The following SYNDIG1 variants were observed in gnomAD, a reference collection of about 807,000 sequenced individuals.
SYNDIG1 encodes the protein synapse differentiation inducing 1, also known as synapse differentiation-inducing gene protein 1.
Under a neutral mutation model 19.4 loss-of-function variants are expected in SYNDIG1, and 9 were observed. The observed-to-expected ratio is 0.46, with a 90% CI of 0.28 to 0.81. The LOEUF is 0.81. SYNDIG1 is among the 30% of genes least tolerant of loss of function. The pLI is 0.12. For synonymous variants in SYNDIG1, 141 were observed against 145.9 expected, an observed-to-expected ratio of 0.97 and a Z score of 0.24; for missense variants, 311 against 343.3, an observed-to-expected ratio of 0.91 and a Z score of 0.74.
intron 3 of SYNDIG1, among the ~76,000 whole-genome samples, chr20:24,656,595 G>A (rs1290293849): frequency 1.3e-5 from 2 of 152,212 alleles, no homozygotes; most frequent in Non-Finnish European, 2.9e-5. Context: ...GCACCAGGAT[G>A]CAGGACCGAG....
chr20:24,487,174 C>T (rs1317331396), intron 1 of SYNDIG1, among the ~76,000 whole-genome samples: 2 of 152,268 alleles, frequency 1.3e-5, no homozygotes, highest in South Asian at 2.1e-4. Flanking sequence ...CAGACTTTCA[C>T]TTATGGTTTA....
Position 24,559,498 on chromosome 20 carries a change from A to G in SYNDIG1, c.480+15921A>G, listed in dbSNP as rs377431784. ...GCCTTAAACAAACAAACGACACAGG[A>G]TCACAGGAGAATAAAAATGTATTTA... On this transcript the variant is annotated intron_variant, in intron 2 of 3. Transcript: ENST00000376862. 1.5e-3 allele frequency among the ~76,000 whole-genome samples: 226 copies of G among 152,344 alleles called. 5 individuals carry two copies. The South Asian group carries it at 0.045, about 30-fold the overall frequency.
intron 2 of SYNDIG1, among the ~76,000 whole-genome samples, chr20:24,558,439 A>G (rs1273706722): frequency 6.6e-6 from 1 of 152,222 alleles, no homozygotes; most frequent in African/African-American, 2.4e-5. Context: ...TTTTGTAAAT[A>G]GAAGGGACAT....
intron 3 of SYNDIG1, among the ~76,000 whole-genome samples, chr20:24,655,154 A>G (rs753279329): frequency 6.6e-6 from 1 of 152,250 alleles, no homozygotes; most frequent in Non-Finnish European, 1.5e-5. Flanking sequence ...TTGGAGCAGA[A>G]CACCAGGAGT....
intron 3 of SYNDIG1, among the ~76,000 whole-genome samples, chr20:24,623,269 A>C (rs55682113): frequency 0.042 from 6,323 of 152,254 alleles, 210 homozygotes; most frequent in Non-Finnish European, 0.057. Flanking sequence ...TAAAGAAAAA[A>C]TACTGGCAAG....
At chr20:24,558,916 C>T (rs1039070949) in intron 2 of SYNDIG1, among the ~76,000 whole-genome samples, 5 of 152,102 alleles carry the variant, frequency 3.3e-5, no homozygotes, top group African/African-American at 1.2e-4. Flanking sequence ...ACAATTATGT[C>T]TTTTAAAAAT....
chr20:24,470,680 G>A (rs1180819011), intron 1 of SYNDIG1, among the ~76,000 whole-genome samples: 2 of 152,194 alleles, frequency 1.3e-5, no homozygotes, highest in Non-Finnish European at 2.9e-5. Context: ...TACTAGAGTG[G>A]CTCTGGCAGC....
chr20:24,624,622 A>G lies in SYNDIG1; in HGVS notation c.618+39629A>G, dbSNP rs536521208. Reference sequence around the variant, plus strand: ...TTTCATGCTCATTTGTCAGTAATTGATAGATCAAGCAGAGAGAAAAGTAGT... The same window carrying G: ...TTTCATGCTCATTTGTCAGTAATTGGTAGATCAAGCAGAGAGAAAAGTAGT... On this transcript the variant is annotated intron_variant, in intron 3 of 3. Transcript: ENST00000376862. 3.3e-5 allele frequency among the ~76,000 whole-genome samples: 5 copies of G among 152,370 alleles called. 1 individual carries two copies. The highest frequency in any genetic ancestry group is 9.6e-5 in the African/African-American group (4 of 41,590).
At chr20:24,588,688 A>G (rs1212276914) in intron 3 of SYNDIG1, among the ~76,000 whole-genome samples, 1 of 152,166 alleles carries the variant, frequency 6.6e-6, no homozygotes, top group African/African-American at 2.4e-5. Flanking sequence ...GTCTTTTGGA[A>G]GAAATGACCC....
chr20:24,625,892 C>A (rs1006244440), intron 3 of SYNDIG1, among the ~76,000 whole-genome samples: 6 of 127,440 alleles, frequency 4.7e-5, no homozygotes, highest in African/African-American at 1.6e-4. Flanking sequence ...ACCTCCCAGA[C>A]GAGGTGGTGG....
intron 3 of SYNDIG1, among the ~76,000 whole-genome samples, chr20:24,661,438 G>T (rs1471128118): frequency 2.0e-5 from 1 of 50,622 alleles, no homozygotes; most frequent in Non-Finnish European, 4.4e-5. Flanking sequence ...AGGGAGGAAG[G>T]AAGGAGGAAA....
intron 2 of SYNDIG1, among the ~76,000 whole-genome samples, chr20:24,575,618 C>T (rs941609846): frequency 2.0e-5 from 3 of 152,012 alleles, no homozygotes; most frequent in East Asian, 1.9e-4. Flanking sequence ...ATTTATCTTG[C>T]GAGGTTAATA....
chr20:24,589,691 A>G (rs1306865204), intron 3 of SYNDIG1, among the ~76,000 whole-genome samples: 1 of 152,228 alleles, frequency 6.6e-6, no homozygotes, highest in Non-Finnish European at 1.5e-5. Flanking sequence ...TTATGTCTTG[A>G]TCTAATTTCA....
chr20:24,478,355 T>A (rs2055694877), intron 1 of SYNDIG1, among the ~76,000 whole-genome samples: 1 of 152,194 alleles, frequency 6.6e-6, no homozygotes, highest in Non-Finnish European at 1.5e-5. Flanking sequence ...TTATTCTGTG[T>A]GACTCCCTCG....
chr20:24,496,969 A>C (rs1600437263), intron 1 of SYNDIG1, among the ~76,000 whole-genome samples: 1 of 152,302 alleles, frequency 6.6e-6, no homozygotes, highest in African/African-American at 2.4e-5. Flanking sequence ...CAGCCTTAGT[A>C]GGCTTATTAG....
intron 1 of SYNDIG1, among the ~76,000 whole-genome samples, chr20:24,488,116 A>G (rs1212188513): frequency 6.6e-6 from 1 of 152,194 alleles, no homozygotes; most frequent in Non-Finnish European, 1.5e-5. Flanking sequence ...ACATGGCTAG[A>G]AAAAAATGGA....
At position 24,549,786 on chromosome 20, in the gene SYNDIG1, G is replaced by A. The variant is rs570144466; in HGVS notation, c.480+6209G>A. ...AAGGATGAATGTGAAGTTTTTTTGA[G>A]TGGTAGAGGTGGTTTTCAGTGGGAT... On this transcript the variant is annotated intron_variant, in intron 2 of 3. Transcript: ENST00000376862. Among the ~76,000 whole-genome samples the A allele has an allele frequency of 2.0e-5, 3 of 152,266 alleles. No homozygotes were observed. In the South Asian group the frequency reaches 6.2e-4, roughly 32 times the overall value.
intron 1 of SYNDIG1, among the ~76,000 whole-genome samples, chr20:24,506,310 T>A (rs930038207): frequency 6.6e-6 from 1 of 152,236 alleles, no homozygotes; most frequent in Admixed American, 6.5e-5. Context: ...CTATGCCACA[T>A]GCCAGGTGGC....
At chr20:24,508,520 G>T (rs2146441280) in intron 1 of SYNDIG1, among the ~76,000 whole-genome samples, 1 of 152,132 alleles carries the variant, frequency 6.6e-6, no homozygotes, top group Non-Finnish European at 1.5e-5. Flanking sequence ...GCCCTGCCCA[G>T]GAGGATAATA....
Sources: allele counts gnomAD v4.1 joint callset (sites outside exome capture counted in the v4.1 genomes callset), GRCh38; gene constraint gnomAD v4.1.1; transcripts MANE v1.5; gene names NCBI Gene and HGNC (gene_info 2026-07-23, HGNC 2026-07-21).